Variants in NEK1 observed in about 807,000 individuals in gnomAD.
NEK1 encodes NIMA related kinase 1.
In NEK1, 137 loss-of-function variants were observed where a neutral mutation model predicts 182.1. The ratio of observed to expected loss-of-function variants is 0.75; its 90% CI spans 0.65 to 0.87. The LOEUF (loss-of-function observed/expected upper bound fraction) is 0.87. NEK1 is among the 40% of genes least tolerant of loss of function. The pLI is 0.00. For missense variants in NEK1, 1,391 were observed against 1,494.4 expected (o/e 0.93, Z 1.14); for synonymous variants, 513 against 492.2 (o/e 1.04, Z -0.56).
chr4:169,591,304 G>A (rs1768463677), intron 5 of NEK1, among the ~76,000 whole-genome samples: 1 of 151,818 alleles, frequency 6.6e-6, no homozygotes, highest in African/African-American at 2.4e-5. Flanking sequence ...GCCACCACGA[G>A]CAGCTAGTTT....
intron 18 of NEK1, among the ~76,000 whole-genome samples, chr4:169,543,338 G>T (rs1275398672): frequency 6.6e-6 from 1 of 152,018 alleles, no homozygotes; most frequent in African/African-American, 2.4e-5. Flanking sequence ...CTGTTCCATT[G>T]GTCTATATAT....
chr4:169,404,210 T>C (rs1449606531), intron 32 of NEK1, among the ~76,000 whole-genome samples: 3 of 152,172 alleles, frequency 2.0e-5, no homozygotes, highest in African/African-American at 4.8e-5. Flanking sequence ...TGAATGTTGT[T>C]ATGTTCTCCA....
chr4:169,498,057 C>T (rs1294648721), intron 23 of NEK1, among the ~76,000 whole-genome samples: 3 of 152,152 alleles, frequency 2.0e-5, no homozygotes, highest in Non-Finnish European at 2.9e-5. Context: ...CTTTGTAGGT[C>T]TCTAAGGACT....
At chr4:169,430,589 G>T (rs1455159505) in intron 29 of NEK1, among the ~76,000 whole-genome samples, 3 of 152,146 alleles carry the variant, frequency 2.0e-5, no homozygotes, top group Admixed American at 6.6e-5. Flanking sequence ...TGGCTGCCAG[G>T]GATTGTGGGG....
At chr4:169,611,532 T>C (rs1772325710) in intron 2 of NEK1, among the ~76,000 whole-genome samples, 1 of 152,178 alleles carries the variant, frequency 6.6e-6, no homozygotes, top group Non-Finnish European at 1.5e-5. Flanking sequence ...ATAAAAAATA[T>C]TTCTGCTTCC....
chr4:169,554,816 G>C (rs994114369), intron 18 of NEK1: 1 of 152,120 alleles, frequency 6.6e-6, no homozygotes, highest in African/African-American at 2.4e-5. Flanking sequence ...ATGGACTTTG[G>C]GTGATAATGG....
chr4:169,446,898 G>A (rs1401298862), intron 27 of NEK1, among the ~76,000 whole-genome samples: 10 of 151,958 alleles, frequency 6.6e-5, no homozygotes, highest in Non-Finnish European at 1.0e-4. Flanking sequence ...CATAGTCAGA[G>A]GAGACAAAAA....
At chr4:169,432,757 TATC>T in intron 29 of NEK1, among the ~76,000 whole-genome samples, 1 of 152,242 alleles carries the variant, frequency 6.6e-6, no homozygotes, top group African/African-American at 2.4e-5. Context: ...TTTTACTGCA[TATC>T]ATCATACTTT....
Position 169,464,928 on chromosome 4 carries a change from T to C in NEK1, c.2435-1533A>G, listed in dbSNP as rs563274694. On this transcript the variant is annotated intron_variant, in intron 26 of 35. Coordinates refer to ENST00000507142, the MANE Select transcript of NEK1 (RefSeq NM_001199397.3). ...TTATCAAAGCAATATATAAAAATTA[T>C]ATACTGAAGTTTGAGTCTTTAGAAT... 7.9e-5 allele frequency among the ~76,000 whole-genome samples: 12 copies of C among 152,200 alleles called. No homozygotes were observed. In the South Asian group the frequency reaches 2.3e-3, roughly 29 times the overall value.
At chr4:169,409,008 G>A (rs539346058) in intron 31 of NEK1, among the ~76,000 whole-genome samples, 59 of 152,114 alleles carry the variant, frequency 3.9e-4, no homozygotes, top group Non-Finnish European at 6.2e-4. Flanking sequence ...TTGCTGGATC[G>A]AATGGTAGTT....
chr4:169,413,412 A>G (rs888028619), intron 31 of NEK1, among the ~76,000 whole-genome samples: 3 of 151,996 alleles, frequency 2.0e-5, no homozygotes, highest in African/African-American at 4.8e-5. Flanking sequence ...GGTTCAAGTG[A>G]TCCTCCTGCC....
intron 23 of NEK1, among the ~76,000 whole-genome samples, chr4:169,498,151 A>C (rs922825874): frequency 3.3e-5 from 5 of 152,196 alleles, no homozygotes; most frequent in South Asian, 2.1e-4. Flanking sequence ...ATCCCTTTAC[A>C]ATTATGTAAT....
At chr4:169,482,998 C>A (rs867984744) in intron 23 of NEK1, among the ~76,000 whole-genome samples, 1 of 152,116 alleles carries the variant, frequency 6.6e-6, no homozygotes, top group South Asian at 2.1e-4. Flanking sequence ...GGATAACTGG[C>A]GCAAGAGGCT....
In NEK1 at chr4:169,415,031, C is replaced by T. The variant is rs545096518; in HGVS notation, c.3223-8284G>A. Among the ~76,000 whole-genome samples, 3 of 152,172 alleles carry T rather than the reference C, an allele frequency of 2.0e-5. No individual in the cohort carries two copies. In the East Asian group the frequency reaches 5.8e-4, roughly 29 times the overall value. Reference sequence around the variant, plus strand: ...CCTCATTGGATTTCAAAGTTATCAACCAACAACATAGAGCACTGCATGGCA... The same window carrying T: ...CCTCATTGGATTTCAAAGTTATCAATCAACAACATAGAGCACTGCATGGCA... On this transcript the variant is annotated intron_variant, in intron 31 of 35. Coordinates refer to ENST00000507142, the MANE Select transcript of NEK1 (RefSeq NM_001199397.3).
At chr4:169,574,458 G>C (rs1765369521) in intron 12 of NEK1, among the ~76,000 whole-genome samples, 2 of 149,240 alleles carry the variant, frequency 1.3e-5, no homozygotes, top group South Asian at 4.2e-4. Flanking sequence ...AATTAGCTGG[G>C]TGTGGTGGCG....
At chr4:169,465,937 C>A (rs1240872366) in intron 26 of NEK1, among the ~76,000 whole-genome samples, 1 of 152,008 alleles carries the variant, frequency 6.6e-6, no homozygotes, top group Non-Finnish European at 1.5e-5. Flanking sequence ...AAATTCACAA[C>A]ATTTGGACAC....
chr4:169,465,974 GA>G (rs1316268390), intron 26 of NEK1, among the ~76,000 whole-genome samples: 1 of 152,020 alleles, frequency 6.6e-6, no homozygotes, highest in Admixed American at 6.6e-5. Context: ...AGCATGCACA[GA>G]AACAGAATAT....
At chr4:169,398,218 A>T (rs572035905) in intron 35 of NEK1, among the ~76,000 whole-genome samples, 2 of 152,224 alleles carry the variant, frequency 1.3e-5, no homozygotes, top group South Asian at 2.1e-4. Flanking sequence ...TTTTGATAAA[A>T]TTTTTTAATA....
rs566197447 is a variant in NEK1 at position 169,492,958 on chromosome 4, C to T, written c.2008-13424G>A. 6.6e-5 allele frequency among the ~76,000 whole-genome samples: 10 copies of T among 152,314 alleles called. No individual in the cohort carries two copies. The South Asian group carries it at 2.1e-3, about 32-fold the overall frequency. On this transcript the variant is annotated intron_variant, in intron 23 of 35. Transcript: ENST00000507142. Reference sequence around the variant, plus strand: ...AGGGGGTCATCTCTCACCTTCTCATCTCGCCAAAGTGCATGATTGTGGACA... The same window carrying T: ...AGGGGGTCATCTCTCACCTTCTCATTTCGCCAAAGTGCATGATTGTGGACA...
Sources: allele counts gnomAD v4.1 joint callset (sites outside exome capture counted in the v4.1 genomes callset), GRCh38; gene constraint gnomAD v4.1.1; transcripts MANE v1.5; gene names NCBI Gene and HGNC (gene_info 2026-07-23, HGNC 2026-07-21).